Variants in CCSER1 observed in about 807,000 individuals in gnomAD.
CCSER1 encodes the protein coiled-coil serine rich protein 1.
Under a neutral mutation model 82.0 loss-of-function variants are expected in CCSER1, and 41 were observed. The ratio of observed to expected loss-of-function variants is 0.50; its 90% CI spans 0.39 to 0.65. CCSER1 has a LOEUF of 0.65. Among genes scored for constraint, CCSER1 ranks in the 30% least tolerant of loss-of-function variants. CCSER1 has a pLI of 0.00. For synonymous variants in CCSER1, 414 were observed against 383.9 expected (o/e 1.08, Z -0.92); for missense variants, 1,119 against 1,064.2 (o/e 1.05, Z -0.72).
intron 10 of CCSER1, among the ~76,000 whole-genome samples, chr4:91,357,650 G>A (rs10011361): frequency 0.45 from 67,517 of 151,266 alleles, 15,497 homozygotes; most frequent in East Asian, 0.82. Context: ...CACATAAACT[G>A]TTTTTTTTAA....
At chr4:90,818,524 A>T (rs1759330791) in intron 8 of CCSER1, among the ~76,000 whole-genome samples, 1 of 152,046 alleles carries the variant, frequency 6.6e-6, no homozygotes, top group Non-Finnish European at 1.5e-5. Context: ...TTATCTGCCC[A>T]CCTCGGTTTC....
chr4:91,004,008 TG>T (rs1369359238), intron 9 of CCSER1, among the ~76,000 whole-genome samples: 1 of 152,186 alleles, frequency 6.6e-6, no homozygotes, highest in Non-Finnish European at 1.5e-5. Context: ...CCAGTCAGGG[TG>T]TGTGTTCAGG....
At chr4:91,418,654 A>AGAAATACAAC (rs1471383176) in intron 10 of CCSER1, among the ~76,000 whole-genome samples, 30 of 152,052 alleles carry the variant, frequency 2.0e-4, no homozygotes, top group South Asian at 4.1e-4. Context: ...CCTTTAAAGA[A>AGAAATACAAC]GAAATACAAC....
At chr4:91,544,807 C>A (rs752207178) in intron 10 of CCSER1, among the ~76,000 whole-genome samples, 1 of 152,170 alleles carries the variant, frequency 6.6e-6, no homozygotes, top group Middle Eastern at 3.2e-3. Context: ...AAAGTCTGTG[C>A]TGGGAGAACC....
At chr4:90,861,611 A>C (rs971213897) in intron 8 of CCSER1, among the ~76,000 whole-genome samples, 1 of 151,706 alleles carries the variant, frequency 6.6e-6, no homozygotes, top group African/African-American at 2.4e-5. Context: ...ATGAAGTAAA[A>C]AAGGTACAAA....
chr4:90,172,349 A>C (rs1413399726), intron 1 of CCSER1, among the ~76,000 whole-genome samples: 1 of 151,926 alleles, frequency 6.6e-6, no homozygotes, highest in African/African-American at 2.4e-5. Flanking sequence ...GTGCAAAGGC[A>C]TGCAAATAGA....
chr4:90,156,325 G>C (rs892274118), intron 1 of CCSER1, among the ~76,000 whole-genome samples: 3 of 152,094 alleles, frequency 2.0e-5, no homozygotes, highest in Admixed American at 1.3e-4. Flanking sequence ...GGTATGGTGT[G>C]GTGCTGAAAA....
intron 1 of CCSER1, among the ~76,000 whole-genome samples, chr4:90,283,578 A>G (rs1012276925): frequency 6.6e-6 from 1 of 152,006 alleles, no homozygotes; most frequent in African/African-American, 2.4e-5. Flanking sequence ...AACTGTAGTC[A>G]CCTTATTGTG....
rs548669543 is a variant in CCSER1, at chr4:90,158,279, A to G, written c.-42+30448A>G. Among the ~76,000 whole-genome samples the G allele has an allele frequency of 1.6e-4, 25 of 151,900 alleles. 1 individual carries two copies. The highest frequency in any genetic ancestry group is 1.3e-3 in the Admixed American group (20 of 15,238). On this transcript the variant is annotated intron_variant, in intron 1 of 10. Transcript: ENST00000509176. ...ACCTGGTCGTGTGAGGTGTCAGTCT[A>G]CCCCTACTGGGGGGTGCCTCCCAGT...
chr4:91,182,580 T>TG (rs1734144357), intron 10 of CCSER1, among the ~76,000 whole-genome samples: 2 of 152,266 alleles, frequency 1.3e-5, no homozygotes, highest in African/African-American at 4.8e-5. Context: ...GAGAATTGTA[T>TG]GGGATACCAG....
chr4:90,219,315 T>C (rs1290660605), intron 1 of CCSER1, among the ~76,000 whole-genome samples: 1 of 152,176 alleles, frequency 6.6e-6, no homozygotes, highest in East Asian at 1.9e-4. Flanking sequence ...ATAGGAAATA[T>C]AGGAGGAGAA....
chr4:90,816,952 C>T (rs1313967989), intron 8 of CCSER1, among the ~76,000 whole-genome samples: 1 of 151,904 alleles, frequency 6.6e-6, no homozygotes, highest in Non-Finnish European at 1.5e-5. Context: ...ATCCTTGGTC[C>T]CATTAACATG....
chr4:91,549,017 C>A lies in CCSER1; in HGVS notation c.2218-49555C>A, dbSNP rs532909453. Reference sequence around the variant, plus strand: ...CATGTTATATCTTTTGTATTTATCCCACAGTTCTTGGACATTCTTTTCTGT... The same window carrying A: ...CATGTTATATCTTTTGTATTTATCCAACAGTTCTTGGACATTCTTTTCTGT... On this transcript the variant is annotated intron_variant, in intron 10 of 10. Transcript: ENST00000509176. 3.9e-5 allele frequency among the ~76,000 whole-genome samples: 6 copies of A among 152,082 alleles called. No homozygotes were observed. The South Asian group carries it at 1.2e-3, about 32-fold the overall frequency.
chr4:90,157,643 C>T (rs1469261404), intron 1 of CCSER1, among the ~76,000 whole-genome samples: 1 of 152,140 alleles, frequency 6.6e-6, no homozygotes, highest in Admixed American at 6.5e-5. Context: ...ATCACTGATA[C>T]CCTTTCTTCC....
chr4:90,398,473 T>C (rs984027407), intron 3 of CCSER1, among the ~76,000 whole-genome samples: 1 of 152,242 alleles, frequency 6.6e-6, no homozygotes, highest in South Asian at 2.1e-4. Context: ...GAGTCTCTCA[T>C]TTGGATAGTG....
chr4:91,392,049 T>C (rs553271351), intron 10 of CCSER1, among the ~76,000 whole-genome samples: 16 of 152,226 alleles, frequency 1.1e-4, no homozygotes, highest in African/African-American at 3.6e-4. Context: ...ACTCTATTTG[T>C]AGTATTTGAA....
intron 10 of CCSER1, among the ~76,000 whole-genome samples, chr4:91,377,425 T>G (rs1224165029): frequency 6.6e-6 from 1 of 152,188 alleles, no homozygotes; most frequent in African/African-American, 2.4e-5. Context: ...TTTCCTGACT[T>G]TTTAATGATC....
At chr4:90,649,266 G>A (rs1025962236) in intron 6 of CCSER1, among the ~76,000 whole-genome samples, 26 of 152,126 alleles carry the variant, frequency 1.7e-4, no homozygotes, top group African/African-American at 6.3e-4. Context: ...CAGTGGCAAT[G>A]GGAAGCTAAG....
At chr4:91,473,664 G>A (rs1268638209) in intron 10 of CCSER1, among the ~76,000 whole-genome samples, 13 of 152,080 alleles carry the variant, frequency 8.5e-5, no homozygotes, top group Admixed American at 8.5e-4. Flanking sequence ...GGTTTGTTGT[G>A]AGGAAAAATT....
Sources: allele counts gnomAD v4.1 joint callset (sites outside exome capture counted in the v4.1 genomes callset), GRCh38; gene constraint gnomAD v4.1.1; transcripts MANE v1.5; gene names NCBI Gene and HGNC (gene_info 2026-07-23, HGNC 2026-07-21).